ANXA11: variants seen among roughly 807,000 people sequenced by gnomAD.
ANXA11 encodes annexin A11, also known as 56 kDa autoantigen.
Under a neutral mutation model 64.7 loss-of-function variants are expected in ANXA11, and 57 were observed. That is an observed-to-expected ratio of 0.88 (90% confidence interval 0.71 to 1.10). The LOEUF (loss-of-function observed/expected upper bound fraction) is 1.10. Among genes scored for constraint, ANXA11 ranks in the 50% least tolerant of loss-of-function variants. The pLI is 0.00. For missense variants in ANXA11, 675 were observed against 670.7 expected (o/e 1.01, Z -0.07); for synonymous variants, 260 against 265.2 (o/e 0.98, Z 0.19).
rs41314495 is a variant in ANXA11, at chr10:80,167,046, C to T, written c.650-62G>A. ...GTCATGAGATGCTCTGCAGCTGAGA[C>T]TTCCCTGGCCTGGGCCCCTCAACTG... On this transcript the variant is annotated intron_variant, in intron 6 of 15. Coordinates refer to ENST00000422982, the MANE Select transcript of ANXA11 (RefSeq NM_145868.2). The T allele has an allele frequency of 5.8e-3, 8,076 of 1,399,218 alleles. 37 individuals are homozygous for T. Among genetic ancestry groups the T allele is most frequent in the Non-Finnish European group, 6.8e-3 (6,830 of 1,009,870 alleles). The allele number at this position is 1,399,218 out of a possible 1,614,324, so 86.7% of individuals were successfully genotyped here.
At chr10:80,169,474 G>T in intron 4 of ANXA11, 116 bp from the exon 5 acceptor site, 1 of 1,236,968 alleles carries the variant, frequency 8.1e-7, no homozygotes, top group Non-Finnish European at 1.1e-6. Flanking sequence ...TGTGGAATAT[G>T]AAGTACCGTT....
chr10:80,202,479 T>C (rs996860793), intron 1 of ANXA11, among the ~76,000 whole-genome samples: 2 of 152,180 alleles, frequency 1.3e-5, no homozygotes, highest in African/African-American at 4.8e-5. Context: ...AGAGTTCCAT[T>C]GAATTGCAAC....
At chr10:80,189,167 T>C (rs1298562652) in intron 1 of ANXA11, among the ~76,000 whole-genome samples, 2 of 152,112 alleles carry the variant, frequency 1.3e-5, no homozygotes, top group Non-Finnish European at 1.5e-5. Flanking sequence ...GTGAGAAGCG[T>C]CCTTCAAAGC....
At chr10:80,194,069 A>T (rs1422626422) in intron 1 of ANXA11, among the ~76,000 whole-genome samples, 1 of 152,124 alleles carries the variant, frequency 6.6e-6, no homozygotes, top group East Asian at 1.9e-4. Flanking sequence ...CTGAAAAAAC[A>T]GGCATATATT....
chr10:80,177,744 C>T (rs2819949), intron 1 of ANXA11, among the ~76,000 whole-genome samples: 9,570 of 152,200 alleles, frequency 0.063, 310 homozygotes, highest in Middle Eastern at 0.099. Context: ...CTCCACATGC[C>T]CAAGTGAGGG....
rs1845227815 is a variant in ANXA11, at chr10:80,154,983, T to A, written c.*870A>T. On this transcript the variant is annotated 3_prime_UTR_variant, in exon 16 of 16. Coordinates refer to ENST00000422982, the MANE Select transcript of ANXA11 (RefSeq NM_145868.2). ...ACCTCCCTTCCCATGTCCTTACGAG[T>A]CCCTGCAAACTAGTGTATGCTCAGG... is the stretch of plus-strand genomic sequence containing the variant. The A allele has an allele frequency of 6.6e-6, 1 of 152,202 alleles. No homozygotes were observed. The highest frequency in any genetic ancestry group is 1.5e-5 in the Non-Finnish European group (1 of 68,046). The allele number at this position is 152,202 out of a possible 1,614,324, so 9.4% of individuals were successfully genotyped here.
At chr10:80,159,981 C>T (rs769927756) in intron 12 of ANXA11, among the ~76,000 whole-genome samples, 6 of 152,194 alleles carry the variant, frequency 3.9e-5, no homozygotes, top group African/African-American at 1.2e-4. Context: ...ACCTAGGACA[C>T]GCTAAGCACC....
At chr10:80,179,997 T>C (rs142071927) in intron 1 of ANXA11, among the ~76,000 whole-genome samples, 19 of 152,186 alleles carry the variant, frequency 1.2e-4, no homozygotes, top group Admixed American at 5.2e-4. Context: ...CCTCAAAGCG[T>C]CTGGTGAATG....
chr10:80,173,886 T>C (rs1004285557), intron 2 of ANXA11, among the ~76,000 whole-genome samples: 1 of 152,186 alleles, frequency 6.6e-6, no homozygotes, highest in Non-Finnish European at 1.5e-5. Flanking sequence ...ATTGCTGGGC[T>C]CCACCACCAA....
intron 1 of ANXA11, among the ~76,000 whole-genome samples, chr10:80,178,819 C>T (rs915970818): frequency 9.2e-5 from 14 of 152,200 alleles, no homozygotes; most frequent in South Asian, 2.1e-4. Context: ...AACATGCTAG[C>T]GCCCTAGCCC....
intron 1 of ANXA11, among the ~76,000 whole-genome samples, chr10:80,200,539 A>G (rs1345831687): frequency 6.6e-6 from 1 of 152,196 alleles, no homozygotes; most frequent in Non-Finnish European, 1.5e-5. Flanking sequence ...TCCCACAAAT[A>G]TAAGTAGAGC....
chr10:80,200,883 G>T (rs1474162133), intron 1 of ANXA11, among the ~76,000 whole-genome samples: 1 of 152,118 alleles, frequency 6.6e-6, no homozygotes, highest in Non-Finnish European at 1.5e-5. Context: ...TCATTCATGA[G>T]AATGAATCCA....
Position 80,169,117 on chromosome 10 carries a change from T to C in ANXA11, c.413A>G (p.Gln138Arg), listed in dbSNP as rs753759611. ...CCCAGGGTAGGCCCCTGGGGGCTGC[T>C]GTCCGGGGGGTGGCATGGGCTGGCC... ...VPGQPMPPPGQQPPGAYPGQP... is the reference protein window; with the variant it reads ...VPGQPMPPPGRQPPGAYPGQP... The change falls in exon 5 of 16, where the codon CAG (glutamine) becomes CGG (arginine). Residue 138 changes from glutamine to arginine, a missense_variant. Coordinates refer to ENST00000422982, the MANE Select transcript of ANXA11 (RefSeq NM_145868.2). 6.5e-7 allele frequency: 1 copy of C among 1,539,836 alleles called. No homozygotes were observed. The highest frequency in any genetic ancestry group is 2.2e-5 in the Admixed American group (1 of 46,104).
intron 13 of ANXA11, among the ~76,000 whole-genome samples, chr10:80,158,666 G>T (rs1006078162): frequency 2.0e-5 from 3 of 152,210 alleles, no homozygotes; most frequent in Non-Finnish European, 4.4e-5. Context: ...CCACCATCCT[G>T]GAGCCAAGCC....
At chr10:80,168,259 G>C (rs1039361849) in intron 5 of ANXA11, among the ~76,000 whole-genome samples, 4 of 146,352 alleles carry the variant, frequency 2.7e-5, no homozygotes, top group Non-Finnish European at 6.1e-5. Flanking sequence ...TGCCGGGGGG[G>C]GCGGGGGTGG....
chr10:80,171,134 G>A, intron 3 of ANXA11: 2 of 1,465,830 alleles, frequency 1.4e-6, no homozygotes, highest in Non-Finnish European at 1.8e-6. Flanking sequence ...AGGGAGGAAG[G>A]TGGAGTTCCC....
intron 1 of ANXA11, among the ~76,000 whole-genome samples, chr10:80,200,657 C>T (rs1042765420): frequency 3.9e-5 from 6 of 152,230 alleles, no homozygotes; most frequent in Non-Finnish European, 5.9e-5. Context: ...TATCTAAAGT[C>T]AGCGTCCCGC....
At chr10:80,161,633 T>C (rs1441058150) in intron 12 of ANXA11, among the ~76,000 whole-genome samples, 1 of 152,254 alleles carries the variant, frequency 6.6e-6, no homozygotes, top group Admixed American at 6.5e-5. Flanking sequence ...CTGTTTCTTA[T>C]GCCAGGCTTT....
chr10:80,162,084 A>G (rs1845538127), intron 11 of ANXA11, 56 bp from the exon 12 acceptor site: 2 of 1,440,994 alleles, frequency 1.4e-6, no homozygotes, highest in Non-Finnish European at 1.9e-6. Context: ...CCCCAGGCCC[A>G]GGTCACCCAG....
Sources: gnomAD v4.1 joint callset for allele counts (sites outside exome capture counted in the v4.1 genomes callset) on GRCh38, gnomAD v4.1.1 for gene constraint, MANE v1.5 for transcripts, NCBI Gene and HGNC (gene_info 2026-07-23, HGNC 2026-07-21) for gene names.